The following PCSK2 variants were observed in gnomAD, a reference collection of about 807,000 sequenced individuals.
The protein encoded by PCSK2 is proprotein convertase subtilisin/kexin type 2, also known as neuroendocrine convertase 2.
Under a neutral mutation model 69.7 loss-of-function variants are expected in PCSK2, and 14 were observed. That is an observed-to-expected ratio of 0.20 (90% CI 0.13 to 0.31). PCSK2 has a LOEUF of 0.31. PCSK2 is among the 10% of genes least tolerant of loss of function. The pLI is 1.00. For missense variants in PCSK2, 544 were observed against 842.5 expected, an observed-to-expected ratio of 0.65 and a Z score of 4.39; for synonymous variants, 307 against 320.7, an observed-to-expected ratio of 0.96 and a Z score of 0.46.
At chr20:17,384,787 G>C (rs2031190775) in intron 5 of PCSK2, among the ~76,000 whole-genome samples, 1 of 152,014 alleles carries the variant, frequency 6.6e-6, no homozygotes, top group Non-Finnish European at 1.5e-5. Flanking sequence ...TTAAAAATTT[G>C]CTGGGAATGG....
At chr20:17,387,036 A>T (rs899909297) in intron 5 of PCSK2, among the ~76,000 whole-genome samples, 1 of 152,234 alleles carries the variant, frequency 6.6e-6, no homozygotes, top group African/African-American at 2.4e-5. Flanking sequence ...AAGGGAGATA[A>T]AACAGAATAA....
At chr20:17,254,179 T>C (rs1568571149) in intron 1 of PCSK2, among the ~76,000 whole-genome samples, 1 of 152,226 alleles carries the variant, frequency 6.6e-6, no homozygotes, top group African/African-American at 2.4e-5. Flanking sequence ...TTTCCTTCGC[T>C]ATTTCTTTTG....
intron 5 of PCSK2, among the ~76,000 whole-genome samples, chr20:17,390,759 G>A (rs1156899798): frequency 1.3e-5 from 2 of 152,222 alleles, no homozygotes; most frequent in East Asian, 3.9e-4. Flanking sequence ...AAACATTACA[G>A]AAGTGTAGAT....
intron 1 of PCSK2, among the ~76,000 whole-genome samples, chr20:17,256,517 G>A (rs1236969622): frequency 1.3e-5 from 2 of 151,978 alleles, no homozygotes; most frequent in Non-Finnish European, 2.9e-5. Flanking sequence ...TAATATGACA[G>A]TTTGGAAACC....
chr20:17,434,848 G>A (rs561863769), intron 7 of PCSK2, among the ~76,000 whole-genome samples: 23 of 152,304 alleles, frequency 1.5e-4, no homozygotes, highest in South Asian at 1.2e-3. Context: ...CAGAGTGGGC[G>A]TGACTTTGCA....
chr20:17,418,237 T>C (rs2032044987), intron 6 of PCSK2, among the ~76,000 whole-genome samples: 1 of 152,232 alleles, frequency 6.6e-6, no homozygotes, highest in Admixed American at 6.5e-5. Context: ...TTTTGGAAAC[T>C]GAGGCACAGA....
chr20:17,437,812 C>G (rs2032515874), intron 8 of PCSK2, among the ~76,000 whole-genome samples: 1 of 152,250 alleles, frequency 6.6e-6, no homozygotes, highest in African/African-American at 2.4e-5. Flanking sequence ...CATCCGTCCT[C>G]CATGATTCCT....
At chr20:17,432,755 C>T (rs2032394603) in intron 7 of PCSK2, among the ~76,000 whole-genome samples, 2 of 152,138 alleles carry the variant, frequency 1.3e-5, no homozygotes, top group Admixed American at 1.3e-4. Flanking sequence ...AGCTCGAGAC[C>T]ACATCAAGGA....
At chr20:17,241,890 A>G (rs1161669851) in intron 1 of PCSK2, among the ~76,000 whole-genome samples, 1 of 152,234 alleles carries the variant, frequency 6.6e-6, no homozygotes, top group Non-Finnish European at 1.5e-5. Context: ...TTCCAAAGAA[A>G]TAATGCTCAT....
At chr20:17,472,944 G>C (rs1458674480) in intron 11 of PCSK2, among the ~76,000 whole-genome samples, 2 of 152,026 alleles carry the variant, frequency 1.3e-5, no homozygotes, top group Non-Finnish European at 2.9e-5. Flanking sequence ...CCTATTTCTT[G>C]ACACAAGGCA....
At chr20:17,246,706 G>T (rs912783132) in intron 1 of PCSK2, among the ~76,000 whole-genome samples, 3 of 151,606 alleles carry the variant, frequency 2.0e-5, no homozygotes, top group Non-Finnish European at 4.4e-5. Flanking sequence ...GAAGAGTGTG[G>T]TCTGTCCCCT....
chr20:17,333,299 T>G (rs1428124026), intron 2 of PCSK2, among the ~76,000 whole-genome samples: 1 of 152,240 alleles, frequency 6.6e-6, no homozygotes, highest in East Asian at 1.9e-4. Context: ...CTAAATACTC[T>G]TTTCCCAATT....
intron 8 of PCSK2, among the ~76,000 whole-genome samples, chr20:17,442,555 C>T (rs998754171): frequency 3.3e-5 from 5 of 152,294 alleles, no homozygotes; most frequent in African/African-American, 9.6e-5. Context: ...GATCCAATTA[C>T]GACTTTTTTC....
chr20:17,318,010 T>C (rs1989742217), intron 2 of PCSK2, among the ~76,000 whole-genome samples: 1 of 152,192 alleles, frequency 6.6e-6, no homozygotes, highest in African/African-American at 2.4e-5. Flanking sequence ...TTAAAATGTA[T>C]GTGTCATTCA....
In PCSK2 at chr20:17,309,912, AGGGAAG is replaced by A. The variant is rs1286996223; in HGVS notation, c.283-48399_283-48394del. Among the ~76,000 whole-genome samples, 570 of 147,802 alleles carry A rather than the reference AGGGAAG, an allele frequency of 3.9e-3. 3 individuals are homozygous for A. The highest frequency in any genetic ancestry group is 0.012 in the African/African-American group (494 of 40,126). On this transcript the variant is annotated intron_variant, in intron 2 of 11. Coordinates refer to ENST00000262545, the MANE Select transcript of PCSK2 (RefSeq NM_002594.5). Reference sequence around the variant, plus strand: ...GGAGGAAGAGGAAGAAGAAGAAGAAAGGGAAGGGGAAGGGGAAGGGGGAGGAGGAGA... The same window carrying A: ...GGAGGAAGAGGAAGAAGAAGAAGAAAGGGAAGGGGAAGGGGGAGGAGGAGA...
At chr20:17,333,344 A>C (rs1017595186) in intron 2 of PCSK2, among the ~76,000 whole-genome samples, 1 of 152,342 alleles carries the variant, frequency 6.6e-6, no homozygotes, top group Admixed American at 6.5e-5. Context: ...TTTACAAAGA[A>C]AAAGCAAGTA....
chr20:17,481,413 A>AAAAGAGAG (rs113487407), intron 11 of PCSK2, among the ~76,000 whole-genome samples, 171 bp from the exon 12 acceptor site: 1 of 115,820 alleles, frequency 8.6e-6, no homozygotes, highest in African/African-American at 3.9e-5. Context: ...AAAAAAAAAA[A>AAAAGAGAG]AGAGATAAGT....
At chr20:17,311,444 G>C (rs929050106) in intron 2 of PCSK2, among the ~76,000 whole-genome samples, 8 of 152,084 alleles carry the variant, frequency 5.3e-5, no homozygotes, top group African/African-American at 1.9e-4. Context: ...TAAGGGGCAG[G>C]TGGTGGTATC....
chr20:17,472,098 G>C (rs1488493318), intron 11 of PCSK2, among the ~76,000 whole-genome samples: 1 of 152,236 alleles, frequency 6.6e-6, no homozygotes, highest in Non-Finnish European at 1.5e-5. Flanking sequence ...TGCACCAGCT[G>C]TGTGTAGAAT....
Sources: gnomAD v4.1 joint callset for allele counts (sites outside exome capture counted in the v4.1 genomes callset) on GRCh38, gnomAD v4.1.1 for gene constraint, MANE v1.5 for transcripts, NCBI Gene and HGNC (gene_info 2026-07-23, HGNC 2026-07-21) for gene names.